C1GALT1: variants seen among roughly 807,000 people sequenced by gnomAD.
C1GALT1 encodes core 1 synthase, glycoprotein-N-acetylgalactosamine 3-beta-galactosyltransferase 1.
In C1GALT1, 11 loss-of-function variants were observed where a neutral mutation model predicts 31.0. That is an observed-to-expected ratio of 0.36 (90% CI 0.22 to 0.59). The LOEUF (loss-of-function observed/expected upper bound fraction) is 0.59. C1GALT1 is among the 20% of genes least tolerant of loss of function. C1GALT1 has a pLI of 0.79. For missense variants in C1GALT1, 424 were observed against 425.2 expected (o/e 1.00, Z 0.03); for synonymous variants, 175 against 143.6 (o/e 1.22, Z -1.56).
upstream of C1GALT1, among the ~76,000 whole-genome samples, chr7:7,181,843 T>TG (rs1405831515): frequency 6.6e-6 from 1 of 152,210 alleles, no homozygotes; most frequent in Non-Finnish European, 1.5e-5. Context: ...ATGACTATTG[T>TG]GGGGTTGCCT....
chr7:7,201,623 G>T (rs112649763), intron 1 of C1GALT1, among the ~76,000 whole-genome samples: 1 of 152,184 alleles, frequency 6.6e-6, no homozygotes, highest in African/African-American at 2.4e-5. Context: ...GCAGTAACAG[G>T]CCTCACCCAG....
chr7:7,199,507 A>G (rs1411420574), intron 1 of C1GALT1, among the ~76,000 whole-genome samples: 1 of 152,210 alleles, frequency 6.6e-6, no homozygotes, highest in Non-Finnish European at 1.5e-5. Flanking sequence ...AGAAGAATGT[A>G]TATTCTGTTG....
intron 2 of C1GALT1, among the ~76,000 whole-genome samples, chr7:7,177,499 C>G (rs1779835688): frequency 6.6e-6 from 1 of 152,078 alleles, no homozygotes; most frequent in Non-Finnish European, 1.5e-5. Flanking sequence ...CAAAGAGGAG[C>G]AGATATACTC....
upstream of C1GALT1, among the ~76,000 whole-genome samples, chr7:7,180,790 T>C (rs961877940): frequency 3.9e-5 from 6 of 151,942 alleles, no homozygotes; most frequent in Non-Finnish European, 7.3e-5. Flanking sequence ...CTGGGGAGGC[T>C]AAGGCGGGAA....
intron 1 of C1GALT1, among the ~76,000 whole-genome samples, chr7:7,213,218 C>G (rs1462400396): frequency 6.6e-6 from 1 of 152,124 alleles, no homozygotes; most frequent in Non-Finnish European, 1.5e-5. Flanking sequence ...CTTAATATAG[C>G]TTGATTATAA....
chr7:7,214,356 G>C (rs1348652705), intron 1 of C1GALT1, among the ~76,000 whole-genome samples: 6 of 152,144 alleles, frequency 3.9e-5, no homozygotes, highest in African/African-American at 1.4e-4. Context: ...ATTAAGAGTG[G>C]TAAGACAAAA....
intron 1 of C1GALT1, among the ~76,000 whole-genome samples, chr7:7,200,148 C>T (rs181013986): frequency 8.7e-4 from 132 of 152,284 alleles, no homozygotes; most frequent in African/African-American, 3.0e-3. Context: ...ATGGTCTTTA[C>T]AATTTGTCAT....
intron 2 of C1GALT1, chr7:7,235,186 T>C (rs1018754369): frequency 6.6e-6 from 1 of 152,252 alleles, no homozygotes; most frequent in African/African-American, 2.4e-5. Context: ...TCTTACTGTC[T>C]TTAGCCCAGT....
At chr7:7,179,486 G>A (rs1303415857), upstream of C1GALT1, among the ~76,000 whole-genome samples, 6 of 152,176 alleles carry the variant, frequency 3.9e-5, no homozygotes, top group Admixed American at 3.9e-4. Context: ...TATTAAAGAA[G>A]ACAATGTTTT....
intron 2 of C1GALT1, among the ~76,000 whole-genome samples, chr7:7,164,816 G>A (rs1482266077): frequency 6.6e-6 from 1 of 152,124 alleles, no homozygotes; most frequent in African/African-American, 2.4e-5. Context: ...TAAGCTGAAG[G>A]TCATCTGCTG....
At chr7:7,173,241 C>T (rs974175783) in intron 2 of C1GALT1, among the ~76,000 whole-genome samples, 1 of 151,826 alleles carries the variant, frequency 6.6e-6, no homozygotes, top group African/African-American at 2.4e-5. Flanking sequence ...AAGTGTGTGG[C>T]ATCACCCCTC....
At chr7:7,234,680 G>C in intron 2 of C1GALT1, 141 bp downstream of exon 2, 2 of 621,398 alleles carry the variant, frequency 3.2e-6, no homozygotes, top group South Asian at 4.6e-5. Context: ...CAAGAGAAGG[G>C]AATTGCTAAA....
chr7:7,192,836 T>G (rs1781133195), intron 1 of C1GALT1, among the ~76,000 whole-genome samples: 1 of 152,176 alleles, frequency 6.6e-6, no homozygotes, highest in Admixed American at 6.6e-5. Context: ...GATTTTTTGA[T>G]TATGGCCATT....
intron 1 of C1GALT1, among the ~76,000 whole-genome samples, chr7:7,216,586 A>G (rs1227194575): frequency 2.6e-5 from 4 of 151,032 alleles, no homozygotes; most frequent in African/African-American, 9.8e-5. Context: ...GCCTGCTATT[A>G]CGGCCCATGC....
intron 2 of C1GALT1, among the ~76,000 whole-genome samples, chr7:7,166,566 T>G (rs780443112): frequency 6.6e-6 from 1 of 152,174 alleles, no homozygotes; most frequent in Non-Finnish European, 1.5e-5. Flanking sequence ...TTGACTGCGG[T>G]GATAGTTTCA....
chr7:7,186,894 G>A (rs964506508), intron 1 of C1GALT1, among the ~76,000 whole-genome samples: 1 of 152,220 alleles, frequency 6.6e-6, no homozygotes, highest in Non-Finnish European at 1.5e-5. Context: ...CAGATTGTGG[G>A]TAGATCCTTG....
chr7:7,216,676 T>G (rs1782259244), intron 1 of C1GALT1, among the ~76,000 whole-genome samples: 1 of 152,198 alleles, frequency 6.6e-6, no homozygotes, highest in South Asian at 2.1e-4. Flanking sequence ...AAGTACTATC[T>G]TAATCGGAGA....
upstream of C1GALT1, among the ~76,000 whole-genome samples, chr7:7,181,140 C>A (rs1337323569): frequency 7.2e-6 from 1 of 139,070 alleles, no homozygotes; most frequent in Admixed American, 7.1e-5. Context: ...CTATTTGGAA[C>A]ACTGACCCCT....
At chr7:7,184,814 G>C (rs1780740738) in intron 1 of C1GALT1, among the ~76,000 whole-genome samples, 2 of 152,190 alleles carry the variant, frequency 1.3e-5, no homozygotes, top group South Asian at 4.1e-4. Context: ...CTTAAGATTT[G>C]ATTAAAGACG....
Sources: allele counts gnomAD v4.1 joint callset (sites outside exome capture counted in the v4.1 genomes callset), GRCh38; gene constraint gnomAD v4.1.1; transcripts MANE v1.5; gene names NCBI Gene and HGNC (gene_info 2026-07-23, HGNC 2026-07-21).